TNIK: variants seen among roughly 807,000 people sequenced by gnomAD.
TNIK encodes TRAF2 and NCK interacting kinase.
Under a neutral mutation model 191.3 loss-of-function variants are expected in TNIK, and 49 were observed. The observed-to-expected ratio is 0.26, with a 90% CI of 0.20 to 0.32. The LOEUF (loss-of-function observed/expected upper bound fraction) is 0.32, where lower values mean the gene tolerates loss of function less well. TNIK is among the 10% of genes least tolerant of loss of function. The pLI is 1.00. For missense variants in TNIK, 1,155 were observed against 1,702.3 expected, an observed-to-expected ratio of 0.68 and a Z score of 5.66; for synonymous variants, 594 against 600.9, an observed-to-expected ratio of 0.99 and a Z score of 0.17.
chr3:171,449,968 G>A (rs527752692), intron 1 of TNIK, among the ~76,000 whole-genome samples: 50 of 151,628 alleles, frequency 3.3e-4, no homozygotes, highest in African/African-American at 1.1e-3. Context: ...CCCAGGAGAC[G>A]GAGGTTGCAG....
intron 2 of TNIK, among the ~76,000 whole-genome samples, chr3:171,307,921 C>A (rs557998307): frequency 6.6e-6 from 1 of 152,246 alleles, no homozygotes; most frequent in South Asian, 2.1e-4. Context: ...CACTCTGCAG[C>A]TAATGAAATG....
intron 3 of TNIK, among the ~76,000 whole-genome samples, chr3:171,226,577 C>T (rs1005514648): frequency 6.6e-6 from 1 of 152,154 alleles, no homozygotes; most frequent in Non-Finnish European, 1.5e-5. Context: ...ATATAAGGCA[C>T]ATACAGTTTA....
intron 12 of TNIK, among the ~76,000 whole-genome samples, chr3:171,152,902 G>A (rs1732651265): frequency 6.6e-6 from 1 of 151,886 alleles, no homozygotes; most frequent in Non-Finnish European, 1.5e-5. Flanking sequence ...TTCCCGAGTA[G>A]CTGGGACTAC....
intron 2 of TNIK, among the ~76,000 whole-genome samples, chr3:171,237,255 C>T (rs1744386361): frequency 6.6e-6 from 1 of 152,162 alleles, no homozygotes; most frequent in African/African-American, 2.4e-5. Flanking sequence ...AAACCTCCAG[C>T]AGTTTTAATT....
chr3:171,286,019 T>C (rs1043704081), intron 2 of TNIK, among the ~76,000 whole-genome samples: 10 of 152,238 alleles, frequency 6.6e-5, no homozygotes, highest in Admixed American at 1.3e-4. Flanking sequence ...CTTAGCATTC[T>C]TGGGAGATGT....
chr3:171,073,406 G>A (rs1015286545), intron 28 of TNIK, among the ~76,000 whole-genome samples: 1 of 152,010 alleles, frequency 6.6e-6, no homozygotes, highest in Non-Finnish European at 1.5e-5. Context: ...AGATTTAAAT[G>A]TACCCAAAAC....
chr3:171,223,976 G>A (rs1160290382), intron 3 of TNIK, among the ~76,000 whole-genome samples: 2 of 152,268 alleles, frequency 1.3e-5, no homozygotes, highest in Admixed American at 1.3e-4. Flanking sequence ...AGTCCCTGCG[G>A]TAGGTTCCAG....
intron 2 of TNIK, among the ~76,000 whole-genome samples, chr3:171,240,611 C>G (rs1441149124): frequency 6.6e-6 from 1 of 152,166 alleles, no homozygotes; most frequent in East Asian, 1.9e-4. Flanking sequence ...TCCCTTTCCT[C>G]CAATGTACCA....
chr3:171,143,807 G>A (rs1731173646), intron 12 of TNIK, among the ~76,000 whole-genome samples: 1 of 152,192 alleles, frequency 6.6e-6, no homozygotes, highest in Non-Finnish European at 1.5e-5. Context: ...GCAGAGCTTT[G>A]TACCAGACCT....
chr3:171,212,308 G>A (rs1740932414), intron 3 of TNIK, among the ~76,000 whole-genome samples: 2 of 151,932 alleles, frequency 1.3e-5, no homozygotes, highest in African/African-American at 2.4e-5. Flanking sequence ...ATTCCTGATT[G>A]AGTTTAATCG....
At chr3:171,241,001 T>G (rs1167247875) in intron 2 of TNIK, among the ~76,000 whole-genome samples, 1 of 151,914 alleles carries the variant, frequency 6.6e-6, no homozygotes, top group African/African-American at 2.4e-5. Context: ...TGGAAACACT[T>G]TTCCAAGTCC....
intron 9 of TNIK, among the ~76,000 whole-genome samples, chr3:171,170,490 A>G (rs1735128091): frequency 6.6e-6 from 1 of 152,214 alleles, no homozygotes. Context: ...TGCATCACTT[A>G]CTAACTTGGA....
chr3:171,367,478 G>C lies in TNIK; in HGVS notation c.123+2142C>G, dbSNP rs879703356. ...AAGGCCCCATAGCATTTTTTTGGGG[G>C]GGGGGGGAGGGGACAGAGTCCCACT... On this transcript the variant is annotated intron_variant, in intron 2 of 32. Transcript: ENST00000436636. Among the ~76,000 whole-genome samples the C allele has an allele frequency of 5.9e-4, 89 of 151,408 alleles. 2 individuals carry two copies. The highest frequency in any genetic ancestry group is 1.1e-3 in the Admixed American group (16 of 15,230).
chr3:171,357,322 T>A (rs1022528374), intron 2 of TNIK, among the ~76,000 whole-genome samples: 3 of 151,932 alleles, frequency 2.0e-5, no homozygotes, highest in Non-Finnish European at 4.4e-5. Flanking sequence ...AGTCTCCCTT[T>A]GTGGCCCAGG....
intron 2 of TNIK, among the ~76,000 whole-genome samples, chr3:171,308,463 A>C (rs746785347): frequency 1.3e-5 from 2 of 152,212 alleles, no homozygotes; most frequent in Non-Finnish European, 2.9e-5. Flanking sequence ...AAATCCTTGA[A>C]GAAAACCCAG....
intron 2 of TNIK, among the ~76,000 whole-genome samples, chr3:171,258,472 C>T (rs1002676341): frequency 6.6e-6 from 1 of 152,152 alleles, no homozygotes. Flanking sequence ...TAATTCCCCT[C>T]ACCTTTTTCC....
chr3:171,120,801 G>C (rs1727626282), intron 18 of TNIK, among the ~76,000 whole-genome samples: 1 of 152,116 alleles, frequency 6.6e-6, no homozygotes, highest in Admixed American at 6.5e-5. Context: ...CAGAAGAAGA[G>C]AGAGGTTCTG....
chr3:171,169,580 T>C (rs1735040624), intron 9 of TNIK, among the ~76,000 whole-genome samples: 1 of 152,220 alleles, frequency 6.6e-6, no homozygotes, highest in African/African-American at 2.4e-5. Flanking sequence ...AGTGCTTTTT[T>C]TTATAAAGTA....
intron 1 of TNIK, among the ~76,000 whole-genome samples, chr3:171,395,482 G>T (rs1202213121): frequency 6.6e-6 from 1 of 152,116 alleles, no homozygotes; most frequent in Non-Finnish European, 1.5e-5. Context: ...TAAATACAGA[G>T]CCTACATTAT....
Sources: allele counts gnomAD v4.1 joint callset (sites outside exome capture counted in the v4.1 genomes callset), GRCh38; gene constraint gnomAD v4.1.1; transcripts MANE v1.5; gene names NCBI Gene and HGNC (gene_info 2026-07-23, HGNC 2026-07-21).